Variants in CHSY3 observed in about 807,000 individuals in gnomAD.
The protein encoded by CHSY3 is chondroitin sulfate synthase 3.
In CHSY3, 35 loss-of-function variants were observed where a neutral mutation model predicts 67.2. That is an observed-to-expected ratio of 0.52 (90% CI 0.40 to 0.69). The LOEUF is 0.69. CHSY3 is among the 30% of genes least tolerant of loss of function. The probability of loss-of-function intolerance (pLI) is 0.00; values close to 1 mark genes in which losing one functional copy is unlikely to be tolerated. For synonymous variants in CHSY3, 474 were observed against 434.7 expected (o/e 1.09, Z -1.12); for missense variants, 1,069 against 1,138.5 (o/e 0.94, Z 0.88).
chr5:129,937,461 C>T (rs181473898), intron 2 of CHSY3, among the ~76,000 whole-genome samples: 141 of 152,220 alleles, frequency 9.3e-4, no homozygotes, highest in African/African-American at 3.3e-3. Flanking sequence ...AGACACAGAG[C>T]CAAACCATAT....
At chr5:130,035,500 G>C (rs1301024637) in intron 2 of CHSY3, among the ~76,000 whole-genome samples, 1 of 152,134 alleles carries the variant, frequency 6.6e-6, no homozygotes, top group Non-Finnish European at 1.5e-5. Context: ...ATTGGCTACA[G>C]TTAAAGTAAA....
intron 2 of CHSY3, among the ~76,000 whole-genome samples, chr5:129,954,546 G>A (rs913549579): frequency 1.3e-5 from 2 of 151,782 alleles, no homozygotes; most frequent in Admixed American, 1.3e-4. Flanking sequence ...GATGGGGATA[G>A]CATTGAATCT....
chr5:130,181,668 TAAA>T (rs970465210), intron 2 of CHSY3, among the ~76,000 whole-genome samples: 1 of 152,266 alleles, frequency 6.6e-6, no homozygotes, highest in African/African-American at 2.4e-5. Context: ...CCTGGATAAA[TAAA>T]AGAACATTAC....
intron 2 of CHSY3, among the ~76,000 whole-genome samples, chr5:130,171,700 A>G (rs555294932): frequency 2.0e-5 from 3 of 152,238 alleles, no homozygotes; most frequent in Non-Finnish European, 2.9e-5. Flanking sequence ...GCTAAAAAAA[A>G]TGAAACAGGA....
At position 130,064,514 on chromosome 5, in the gene CHSY3, C is replaced by A. The variant is rs78828098; in HGVS notation, c.1087-119715C>A. 2.8e-3 allele frequency among the ~76,000 whole-genome samples: 427 copies of A among 152,274 alleles called. 2 individuals carry two copies. The highest frequency in any genetic ancestry group is 9.8e-3 in the African/African-American group (408 of 41,562). ...ACTTGCTCTAGGCAAGTTTCAGAAA[C>A]AAACCTACTTCTATGGCGCATGTTA... On this transcript the variant is annotated intron_variant, in intron 2 of 2. Transcript: ENST00000305031.
chr5:130,096,859 C>T (rs11739126), intron 2 of CHSY3, among the ~76,000 whole-genome samples: 66,152 of 151,806 alleles, frequency 0.44, 14,585 homozygotes, highest in South Asian at 0.47. Flanking sequence ...AGTAGGAGCC[C>T]GAATTGTCCA....
chr5:130,137,826 C>T (rs1054255926), intron 2 of CHSY3, among the ~76,000 whole-genome samples: 1 of 152,152 alleles, frequency 6.6e-6, no homozygotes, highest in Non-Finnish European at 1.5e-5. Context: ...GCAACTGTAA[C>T]GTCTGGAGGG....
intron 2 of CHSY3, among the ~76,000 whole-genome samples, chr5:130,126,139 C>A (rs1211175144): frequency 6.6e-6 from 1 of 151,848 alleles, no homozygotes; most frequent in Admixed American, 6.6e-5. Flanking sequence ...CATGTCTGCC[C>A]CGGGAGAGTT....
chr5:129,926,479 T>C (rs533707648), intron 2 of CHSY3, among the ~76,000 whole-genome samples: 2 of 152,130 alleles, frequency 1.3e-5, no homozygotes, highest in African/African-American at 4.8e-5. Context: ...CTTGGATTAA[T>C]TTAAAATATA....
At chr5:130,048,058 G>A (rs1365609124) in intron 2 of CHSY3, among the ~76,000 whole-genome samples, 1 of 151,628 alleles carries the variant, frequency 6.6e-6, no homozygotes, top group African/African-American at 2.4e-5. Flanking sequence ...TTAAAAAACG[G>A]GAAGGAAAAA....
At chr5:129,987,494 A>G (rs6869827) in intron 2 of CHSY3, among the ~76,000 whole-genome samples, 80,329 of 151,912 alleles carry the variant, frequency 0.53, 21,661 homozygotes, top group Non-Finnish European at 0.59. Context: ...CTTTATAAGC[A>G]TATTTTGGAG....
chr5:130,020,447 A>T (rs1580656381), intron 2 of CHSY3, among the ~76,000 whole-genome samples: 2 of 37,340 alleles, frequency 5.4e-5, no homozygotes. Flanking sequence ...ATATATATAT[A>T]TATATATATA....
chr5:130,098,673 A>G (rs1356547829), intron 2 of CHSY3, among the ~76,000 whole-genome samples: 1 of 152,244 alleles, frequency 6.6e-6, no homozygotes, highest in Non-Finnish European at 1.5e-5. Context: ...GAATATGAGG[A>G]AAAGGCAAGT....
At chr5:130,078,333 C>T (rs1766337731) in intron 2 of CHSY3, among the ~76,000 whole-genome samples, 1 of 151,974 alleles carries the variant, frequency 6.6e-6, no homozygotes, top group South Asian at 2.1e-4. Context: ...TGCTTTTATT[C>T]CATGGGTGTG....
intron 2 of CHSY3, among the ~76,000 whole-genome samples, chr5:130,158,801 T>C (rs900197466): frequency 3.3e-5 from 5 of 149,344 alleles, no homozygotes; most frequent in Non-Finnish European, 5.9e-5. Flanking sequence ...TATTTGTTTG[T>C]TTATTTATTT....
chr5:130,030,815 A>C (rs1446677812), intron 2 of CHSY3, among the ~76,000 whole-genome samples: 1 of 152,042 alleles, frequency 6.6e-6, no homozygotes, highest in Non-Finnish European at 1.5e-5. Context: ...GTGTTTATGA[A>C]CCTAGTCCCT....
intron 2 of CHSY3, among the ~76,000 whole-genome samples, chr5:130,117,410 T>A (rs749532454): frequency 1.2e-4 from 18 of 152,162 alleles, no homozygotes; most frequent in Non-Finnish European, 1.9e-4. Context: ...TGAGATCTCA[T>A]GGTCAGGTTG....
At chr5:130,171,153 A>G (rs896400392) in intron 2 of CHSY3, among the ~76,000 whole-genome samples, 1 of 152,170 alleles carries the variant, frequency 6.6e-6, no homozygotes, top group African/African-American at 2.4e-5. Flanking sequence ...AAGTTTACCA[A>G]ATTTTTAAAA....
At chr5:129,911,555 T>C (rs1760549079) in intron 2 of CHSY3, among the ~76,000 whole-genome samples, 1 of 152,226 alleles carries the variant, frequency 6.6e-6, no homozygotes, top group South Asian at 2.1e-4. Flanking sequence ...GTTTTTATTG[T>C]TCTAATGTTA....
Sources: gnomAD v4.1 joint callset for allele counts (sites outside exome capture counted in the v4.1 genomes callset) on GRCh38, gnomAD v4.1.1 for gene constraint, MANE v1.5 for transcripts, NCBI Gene and HGNC (gene_info 2026-07-23, HGNC 2026-07-21) for gene names.